The following CFAP299 variants were observed in gnomAD, a reference collection of about 807,000 sequenced individuals.
CFAP299 encodes the protein cilia- and flagella-associated protein 299.
Under a neutral mutation model 27.0 loss-of-function variants are expected in CFAP299, and 21 were observed. That is an observed-to-expected ratio of 0.78 (90% CI 0.55 to 1.12). CFAP299 has a LOEUF of 1.12. CFAP299 is among the 50% of genes most tolerant of loss of function. The probability of loss-of-function intolerance (pLI) is 0.00; values close to 1 mark genes in which losing one functional copy is unlikely to be tolerated. For synonymous variants in CFAP299, 104 were observed against 98.1 expected, an observed-to-expected ratio of 1.06 and a Z score of -0.36; for missense variants, 310 against 276.6, an observed-to-expected ratio of 1.12 and a Z score of -0.86.
intron 4 of CFAP299, among the ~76,000 whole-genome samples, chr4:80,905,326 C>G (rs1370619600): frequency 6.6e-6 from 1 of 152,160 alleles, no homozygotes; most frequent in African/African-American, 2.4e-5. Context: ...AGAAACACAA[C>G]CAGCTGTTAG....
chr4:80,938,949 G>GT (rs1204433595), intron 4 of CFAP299, among the ~76,000 whole-genome samples: 9 of 152,030 alleles, frequency 5.9e-5, no homozygotes, highest in Non-Finnish European at 1.0e-4. Context: ...TGTTGTTGTT[G>GT]TTTTTTCTTT....
rs1033178039 is a variant in CFAP299 at position 80,889,340 on chromosome 4, C to T, written c.476+19205C>T. On this transcript the variant is annotated intron_variant, in intron 4 of 5. Transcript: ENST00000358105. ...AAATTCAAAGGAACATTAGTGGCTA[C>T]TATGAGCAAATATATGCCTATACAT... Among the ~76,000 whole-genome samples the T allele has an allele frequency of 2.0e-5, 3 of 151,946 alleles. No homozygotes were observed. In the East Asian group the frequency reaches 5.8e-4, roughly 29 times the overall value.
chr4:80,453,841 A>AAATAATAATAATAATAAT (rs10692004), intron 2 of CFAP299, among the ~76,000 whole-genome samples: 1 of 135,990 alleles, frequency 7.4e-6, no homozygotes, highest in Non-Finnish European at 1.6e-5. Flanking sequence ...ACCCTGTCTC[A>AAATAATAATAATAATAAT]AATAATAATA....
chr4:80,350,744 G>T (rs995439387), intron 1 of CFAP299, among the ~76,000 whole-genome samples: 1 of 152,022 alleles, frequency 6.6e-6, no homozygotes, highest in Non-Finnish European at 1.5e-5. Context: ...GAGAACGCAC[G>T]GACACACAGA....
chr4:80,729,973 A>G (rs968604797), intron 3 of CFAP299, among the ~76,000 whole-genome samples: 5 of 152,104 alleles, frequency 3.3e-5, no homozygotes, highest in Admixed American at 3.3e-4. Context: ...GGATGTCTCC[A>G]GCTGGTGGCC....
chr4:80,554,791 C>A (rs1006890799), intron 2 of CFAP299, among the ~76,000 whole-genome samples: 4 of 152,004 alleles, frequency 2.6e-5, no homozygotes, highest in Non-Finnish European at 5.9e-5. Flanking sequence ...CCTGATCTTG[C>A]TCTCAGCTTG....
chr4:80,598,175 T>C (rs184311325), intron 3 of CFAP299, among the ~76,000 whole-genome samples: 129 of 152,332 alleles, frequency 8.5e-4, no homozygotes, highest in Middle Eastern at 3.4e-3. Context: ...CTAAAGAGTT[T>C]AGCATAGATA....
At chr4:80,386,748 C>T in intron 2 of CFAP299, 2 of 1,487,992 alleles carry the variant, frequency 1.3e-6, no homozygotes, top group Admixed American at 1.7e-5. Context: ...AGGACATGGG[C>T]CTTCAGCTTG....
intron 3 of CFAP299, among the ~76,000 whole-genome samples, chr4:80,853,274 A>T (rs967432937): frequency 6.6e-6 from 1 of 152,130 alleles, no homozygotes; most frequent in East Asian, 1.9e-4. Context: ...CAGGTGATTC[A>T]CCCGCCTCGA....
At chr4:80,538,935 A>G (rs534357714) in intron 2 of CFAP299, among the ~76,000 whole-genome samples, 1 of 152,368 alleles carries the variant, frequency 6.6e-6, no homozygotes, top group Non-Finnish European at 1.5e-5. Flanking sequence ...AGTAAAGTTA[A>G]CATTTCTTGT....
chr4:80,727,312 A>G (rs886615574), intron 3 of CFAP299, among the ~76,000 whole-genome samples: 5 of 152,014 alleles, frequency 3.3e-5, no homozygotes, highest in African/African-American at 7.2e-5. Context: ...ATATTACAAT[A>G]TTACTATTAT....
chr4:80,377,189 T>C (rs1724459345), intron 2 of CFAP299, among the ~76,000 whole-genome samples: 1 of 152,138 alleles, frequency 6.6e-6, no homozygotes, highest in Non-Finnish European at 1.5e-5. Flanking sequence ...GTAAGAATTA[T>C]TTGAATTCCT....
chr4:80,426,811 C>T (rs1021822674), intron 2 of CFAP299, among the ~76,000 whole-genome samples: 1 of 152,150 alleles, frequency 6.6e-6, no homozygotes, highest in Non-Finnish European at 1.5e-5. Context: ...CTTTAAGCCT[C>T]GGTTTTCTTC....
At chr4:80,853,021 T>TTATA (rs1309056998) in intron 3 of CFAP299, among the ~76,000 whole-genome samples, 1 of 110,760 alleles carries the variant, frequency 9.0e-6, no homozygotes, top group African/African-American at 4.1e-5. Flanking sequence ...TATTTTCTTT[T>TTATA]TATTTATTTA....
intron 3 of CFAP299, among the ~76,000 whole-genome samples, chr4:80,634,378 C>T (rs1228804405): frequency 6.6e-6 from 1 of 152,078 alleles, no homozygotes; most frequent in African/African-American, 2.4e-5. Context: ...CCAACTTCTT[C>T]GGCAATTTAC....
At chr4:80,907,895 T>C (rs546319453) in intron 4 of CFAP299, among the ~76,000 whole-genome samples, 1 of 152,082 alleles carries the variant, frequency 6.6e-6, no homozygotes, top group East Asian at 1.9e-4. Flanking sequence ...AAACATTGAG[T>C]TCACCAAGAG....
chr4:80,926,209 G>A (rs1578243549), intron 4 of CFAP299, among the ~76,000 whole-genome samples: 1 of 152,126 alleles, frequency 6.6e-6, no homozygotes, highest in East Asian at 1.9e-4. Context: ...AAAAGCTCAA[G>A]AAAAATATGA....
At chr4:80,463,724 C>A (rs1183499579) in intron 2 of CFAP299, among the ~76,000 whole-genome samples, 1 of 152,104 alleles carries the variant, frequency 6.6e-6, no homozygotes, top group Non-Finnish European at 1.5e-5. Context: ...ATAATTTCCT[C>A]CCTAAAGGCC....
At chr4:80,811,516 G>A (rs549664624) in intron 3 of CFAP299, among the ~76,000 whole-genome samples, 1 of 152,146 alleles carries the variant, frequency 6.6e-6, no homozygotes, top group African/African-American at 2.4e-5. Flanking sequence ...CATGGCCAAG[G>A]CCACGGGTTT....
Sources: gnomAD v4.1 joint callset for allele counts (sites outside exome capture counted in the v4.1 genomes callset) on GRCh38, gnomAD v4.1.1 for gene constraint, MANE v1.5 for transcripts, NCBI Gene and HGNC (gene_info 2026-07-23, HGNC 2026-07-21) for gene names.